Variants in ITSN2 observed in about 807,000 individuals in gnomAD.
ITSN2 encodes the protein intersectin 2.
ITSN2 carries 156 observed loss-of-function variants against 243.7 expected under a neutral mutation model. The observed-to-expected ratio is 0.64, with a 90% CI of 0.56 to 0.73. The LOEUF is 0.73. Among genes scored for constraint, ITSN2 ranks in the 30% least tolerant of loss-of-function variants. ITSN2 has a pLI of 0.00. For missense variants in ITSN2, 1,801 were observed against 1,996.1 expected, an observed-to-expected ratio of 0.90 and a Z score of 1.86; for synonymous variants, 703 against 699.9, an observed-to-expected ratio of 1.00 and a Z score of -0.07.
chr2:24,352,672 A>G (rs1405317317), intron 1 of ITSN2, among the ~76,000 whole-genome samples: 1 of 152,220 alleles, frequency 6.6e-6, no homozygotes, highest in Admixed American at 6.5e-5. Flanking sequence ...AAATCAACCA[A>G]TAAGCCAGGA....
rs1022435890 is a variant in ITSN2, at chr2:24,284,645, A to G, written c.1944+118T>C. 1.7e-5 allele frequency: 11 copies of G among 651,256 alleles called. No individual in the cohort carries two copies. In the East Asian group the frequency reaches 1.9e-4, roughly 11 times the overall value. The allele number at this position is 651,256 out of a possible 1,614,324, so 40.3% of individuals were successfully genotyped here. On this transcript the variant is annotated intron_variant, in intron 17 of 39. Transcript: ENST00000355123. ...CAAGCAAGCAGAAAGAAAAAGGCTT[A>G]TATTGTATATGTTATTTCAAACAAA...
At chr2:24,278,222 C>T (rs2151500475) in intron 17 of ITSN2, among the ~76,000 whole-genome samples, 1 of 152,246 alleles carries the variant, frequency 6.6e-6, no homozygotes, top group African/African-American at 2.4e-5. Context: ...TTTACTAACC[C>T]TATTCCCTGC....
chr2:24,325,928 TAC>T (rs776133866), intron 2 of ITSN2, among the ~76,000 whole-genome samples: 11 of 151,408 alleles, frequency 7.3e-5, no homozygotes, highest in Admixed American at 2.0e-4. Flanking sequence ...CGTATATACA[TAC>T]ACACACACAC....
At chr2:24,260,086 A>T (rs1357378220) in intron 22 of ITSN2, among the ~76,000 whole-genome samples, 1 of 152,058 alleles carries the variant, frequency 6.6e-6, no homozygotes, top group Non-Finnish European at 1.5e-5. Flanking sequence ...ATGCCCGGCT[A>T]ATTTTTAAAT....
At chr2:24,244,284 G>A (rs1673085203) in intron 29 of ITSN2, among the ~76,000 whole-genome samples, 1 of 152,170 alleles carries the variant, frequency 6.6e-6, no homozygotes, top group South Asian at 2.1e-4. Context: ...CTGCCTTGAA[G>A]TAGATTTCTC....
intron 38 of ITSN2, 41 bp downstream of exon 38, chr2:24,205,173 A>G (rs774603411): frequency 2.5e-5 from 39 of 1,539,178 alleles, no homozygotes; most frequent in Non-Finnish European, 3.4e-5. Context: ...AAACTGGGGC[A>G]GGGCAGTTAT....
In ITSN2 at chr2:24,251,441, ATATATATGTG is replaced by A. The variant is rs1558489115; in HGVS notation, c.3120+894_3120+903del. ...TATATATGTGTATATATATGTGTGT[ATATATATGTG>A]TATATATGTGTATATATATGTGTAT... On this transcript the variant is annotated intron_variant, in intron 25 of 39. Transcript: ENST00000355123. Among the ~76,000 whole-genome samples, 2 of 4,180 alleles carry A rather than the reference ATATATATGTG, an allele frequency of 4.8e-4. 1 individual carries two copies. The highest frequency in any genetic ancestry group is 1.1e-3 in the Non-Finnish European group (2 of 1,848). 2.7% of individuals were successfully genotyped at this position (4,180 alleles called of 152,430 possible).
intron 14 of ITSN2, among the ~76,000 whole-genome samples, chr2:24,294,870 G>A (rs1358570146): frequency 6.6e-6 from 1 of 152,154 alleles, no homozygotes; most frequent in Non-Finnish European, 1.5e-5. Context: ...TGAGATGACT[G>A]TCCTTATAAA....
intron 32 of ITSN2, among the ~76,000 whole-genome samples, chr2:24,215,224 C>T (rs1014017335): frequency 1.3e-5 from 2 of 152,234 alleles, no homozygotes; most frequent in African/African-American, 4.8e-5. Flanking sequence ...GTGCACACTT[C>T]TGGTATATTT....
chr2:24,230,498 T>C (rs1671473436), intron 29 of ITSN2, among the ~76,000 whole-genome samples: 2 of 152,204 alleles, frequency 1.3e-5, no homozygotes, highest in Non-Finnish European at 2.9e-5. Context: ...CTGGGTGCGG[T>C]GGCTCACGCC....
intron 1 of ITSN2, among the ~76,000 whole-genome samples, chr2:24,337,451 A>G (rs1372582309): frequency 6.8e-6 from 1 of 147,400 alleles, no homozygotes. Context: ...CCTGGGTTCA[A>G]GTGATTCTCC....
At chr2:24,344,920 C>A (rs943641639) in intron 1 of ITSN2, among the ~76,000 whole-genome samples, 2 of 152,024 alleles carry the variant, frequency 1.3e-5, no homozygotes, top group Admixed American at 6.6e-5. Context: ...CCAGTGCATT[C>A]CAGCCTGGAT....
At chr2:24,293,832 T>C (rs1261969184) in intron 14 of ITSN2, 57 bp from the exon 15 acceptor site, 3 of 535,706 alleles carry the variant, frequency 5.6e-6, no homozygotes, top group Non-Finnish European at 6.7e-6. Context: ...TCCAAGAGTT[T>C]TTTTTGAAAA....
chr2:24,301,170 A>T lies in ITSN2; in HGVS notation c.1065T>A (p.Pro355=). The part of the protein sequence containing the change: ...PSYQKMQEEE[P]QKKLPVTFED... ...CAGTGATACCTGGTAATTTCTTCTGAGGCTCCTCTTCTTGCATTTTCTGAT... is the reference window on the plus strand; with the variant it reads ...CAGTGATACCTGGTAATTTCTTCTGTGGCTCCTCTTCTTGCATTTTCTGAT... Residue 355 remains proline (P), a synonymous_variant, in exon 11 of 40, where the codon CCT becomes CCA. Transcript: ENST00000355123. The T allele has an allele frequency of 6.2e-7, 1 of 1,603,298 alleles. No homozygotes were observed. The highest frequency in any genetic ancestry group is 8.5e-7 in the Non-Finnish European group (1 of 1,172,074).
chr2:24,343,137 T>C (rs1687201798), intron 1 of ITSN2, among the ~76,000 whole-genome samples: 1 of 150,182 alleles, frequency 6.7e-6, no homozygotes, highest in South Asian at 2.1e-4. Flanking sequence ...CAAGGAACCA[T>C]AACAATAGAT....
intron 29 of ITSN2, among the ~76,000 whole-genome samples, chr2:24,232,122 A>T (rs1218593070): frequency 6.6e-6 from 1 of 152,196 alleles, no homozygotes; most frequent in East Asian, 1.9e-4. Context: ...TGGAAATTTA[A>T]ATAATTACTG....
intron 22 of ITSN2, among the ~76,000 whole-genome samples, chr2:24,259,814 C>T (rs1675571218): frequency 6.6e-6 from 1 of 152,152 alleles, no homozygotes; most frequent in South Asian, 2.1e-4. Flanking sequence ...TATATATACC[C>T]CCTACAGACC....
intron 25 of ITSN2, among the ~76,000 whole-genome samples, chr2:24,251,325 T>TAAAAAAA (rs1165033997): frequency 5.9e-4 from 2 of 3,400 alleles, no homozygotes; most frequent in Non-Finnish European, 6.2e-4. Context: ...AAAAAAAAAA[T>TAAAAAAA]AAAATATATA....
At chr2:24,344,227 G>C (rs976322805) in intron 1 of ITSN2, among the ~76,000 whole-genome samples, 36 of 152,072 alleles carry the variant, frequency 2.4e-4, no homozygotes, top group African/African-American at 8.7e-4. Context: ...ACATTAAGAC[G>C]GTTTCCAGTT....
Sources: allele counts gnomAD v4.1 joint callset (sites outside exome capture counted in the v4.1 genomes callset), GRCh38; gene constraint gnomAD v4.1.1; transcripts MANE v1.5; gene names NCBI Gene and HGNC (gene_info 2026-07-23, HGNC 2026-07-21).